Variants in KLHL3 observed in about 807,000 individuals in gnomAD.
The protein encoded by KLHL3 is kelch like family member 3.
A neutral mutation model predicts 70.5 loss-of-function variants in KLHL3; 19 were observed. The observed-to-expected ratio is 0.27, with a 90% confidence interval of 0.19 to 0.40. The LOEUF (loss-of-function observed/expected upper bound fraction) is 0.40. KLHL3 is among the 10% of genes least tolerant of loss of function. The pLI, the probability that KLHL3 is intolerant of heterozygous loss-of-function variation, is 1.00. For synonymous variants in KLHL3, 258 were observed against 290.3 expected (o/e 0.89, Z 1.13); for missense variants, 512 against 771.1 (o/e 0.66, Z 3.98).
At chr5:137,692,629 C>T in intron 4 of KLHL3, 182 bp from the exon 5 acceptor site, 1 of 591,292 alleles carries the variant, frequency 1.7e-6, no homozygotes, top group Non-Finnish European at 3.0e-6. Context: ...TTCACGGACC[C>T]TAAACACCAG....
chr5:137,624,815 C>T (rs1750415038), intron 14 of KLHL3, among the ~76,000 whole-genome samples: 1 of 152,122 alleles, frequency 6.6e-6, no homozygotes, highest in Non-Finnish European at 1.5e-5. Flanking sequence ...TATATATTTG[C>T]TCATCTCCCC....
chr5:137,654,171 G>A (rs1751282190), intron 8 of KLHL3, among the ~76,000 whole-genome samples: 1 of 152,142 alleles, frequency 6.6e-6, no homozygotes, highest in South Asian at 2.1e-4. Context: ...TGATTGGGAT[G>A]GTGGTTACAT....
chr5:137,641,989 T>G (rs185567329), intron 8 of KLHL3, among the ~76,000 whole-genome samples: 2 of 152,178 alleles, frequency 1.3e-5, no homozygotes, highest in Non-Finnish European at 2.9e-5. Flanking sequence ...TTACTTCCCA[T>G]TTGTAATTCT....
chr5:137,647,629 T>C, intron 8 of KLHL3: 1 of 470,622 alleles, frequency 2.1e-6, no homozygotes, highest in Non-Finnish European at 4.4e-6. Context: ...CTTACCCTGG[T>C]GCGTGGGGCC....
At chr5:137,704,094 A>G (rs1319528519) in intron 3 of KLHL3, among the ~76,000 whole-genome samples, 3 of 152,224 alleles carry the variant, frequency 2.0e-5, no homozygotes, top group Admixed American at 1.3e-4. Context: ...TGAATTCTCC[A>G]CGCACCTATG....
At chr5:137,623,772 C>T (rs559490915) in intron 14 of KLHL3, among the ~76,000 whole-genome samples, 1 of 152,136 alleles carries the variant, frequency 6.6e-6, no homozygotes, top group Non-Finnish European at 1.5e-5. Context: ...TCTCACAGCA[C>T]CCTAAAAGGC....
intron 7 of KLHL3, among the ~76,000 whole-genome samples, chr5:137,660,453 T>TGCTCA (rs939775140): frequency 1.9e-4 from 29 of 152,204 alleles, no homozygotes; most frequent in African/African-American, 7.0e-4. Context: ...TGACACTGGA[T>TGCTCA]GCTCAGGCAA....
chr5:137,693,385 G>GCT (rs1265209147), intron 4 of KLHL3, among the ~76,000 whole-genome samples: 1 of 152,180 alleles, frequency 6.6e-6, no homozygotes, highest in African/African-American at 2.4e-5. Context: ...AGGTGTATAT[G>GCT]CATGTGTTTT....
At chr5:137,651,315 ATCT>A (rs1394594516) in intron 8 of KLHL3, among the ~76,000 whole-genome samples, 1 of 152,218 alleles carries the variant, frequency 6.6e-6, no homozygotes, top group Non-Finnish European at 1.5e-5. Flanking sequence ...CTACTCAGTA[ATCT>A]TCTGAAACTA....
chr5:137,652,597 G>A (rs796219757), intron 8 of KLHL3, among the ~76,000 whole-genome samples: 42 of 152,278 alleles, frequency 2.8e-4, no homozygotes, highest in African/African-American at 7.9e-4. Flanking sequence ...TCACTCATAC[G>A]CGGAATCTAA....
intron 6 of KLHL3, among the ~76,000 whole-genome samples, chr5:137,675,765 G>A (rs1751869952): frequency 6.6e-6 from 1 of 152,162 alleles, no homozygotes; most frequent in Non-Finnish European, 1.5e-5. Context: ...AGAGCAAGAT[G>A]GGCCAGCATG....
chr5:137,666,762 T>A (rs1239226520), intron 6 of KLHL3, among the ~76,000 whole-genome samples: 1 of 152,094 alleles, frequency 6.6e-6, no homozygotes, highest in Non-Finnish European at 1.5e-5. Context: ...TCAGACTTCA[T>A]GCTTGAAAAA....
In KLHL3 at chr5:137,634,104, C is replaced by T. The variant is rs2301708; in HGVS notation, c.1383G>A (p.Glu461=). Residue 461 remains glutamate (E), a synonymous_variant, in exon 12 of 15, where the codon GAG becomes GAA. Coordinates refer to ENST00000309755, the MANE Select transcript of KLHL3 (RefSeq NM_017415.3). ...ATTCATTGGTCGCTGGGTTGTACTG[C>T]TCCACAGTGCTCAGACACTGGCGGG... ...GASRQCLSTV[E]QYNPATNEWI... is the part of the protein sequence containing the mutation. The T allele has an allele frequency of 0.19, 313,908 of 1,613,898 alleles. 32,448 individuals are homozygous for T. Among genetic ancestry groups the T allele is most frequent in the East Asian group, 0.39 (17,652 of 44,864 alleles).
intron 6 of KLHL3, 115 bp from the exon 7 acceptor site, chr5:137,662,146 A>C: frequency 1.6e-6 from 1 of 636,502 alleles, no homozygotes; most frequent in Non-Finnish European, 2.8e-6. Flanking sequence ...AGTCATCCAC[A>C]AAGGTGTTTA....
chr5:137,703,463 A>C (rs1035999129), intron 3 of KLHL3, among the ~76,000 whole-genome samples: 4 of 152,200 alleles, frequency 2.6e-5, no homozygotes, highest in Non-Finnish European at 5.9e-5. Context: ...CATCTCCTTG[A>C]ATCCTGACCA....
Position 137,712,657 on chromosome 5 carries a change from C to A in KLHL3, c.135-2801G>T, listed in dbSNP as rs188585898. ...TATGGGATCCTTTTTTCCGAGCTAT[C>A]ACACTACTCCATCTTGAGGGGAGAA... On this transcript the variant is annotated intron_variant, in intron 2 of 14. Coordinates refer to ENST00000309755, the MANE Select transcript of KLHL3 (RefSeq NM_017415.3). 7.2e-5 allele frequency among the ~76,000 whole-genome samples: 11 copies of A among 152,296 alleles called. No individual in the cohort carries two copies. In the East Asian group the frequency reaches 9.7e-4, roughly 13 times the overall value.
chr5:137,728,685 A>G (rs1217766576), intron 1 of KLHL3, among the ~76,000 whole-genome samples: 2 of 152,202 alleles, frequency 1.3e-5, no homozygotes, highest in African/African-American at 4.8e-5. Flanking sequence ...ACTAAAAAAC[A>G]TGCTAGAAAG....
intron 6 of KLHL3, among the ~76,000 whole-genome samples, chr5:137,669,443 G>T (rs1751695625): frequency 6.6e-6 from 1 of 152,166 alleles, no homozygotes; most frequent in Non-Finnish European, 1.5e-5. Flanking sequence ...TCCTACAGCA[G>T]CACACTGCCA....
chr5:137,653,611 T>C (rs148771439), intron 8 of KLHL3, among the ~76,000 whole-genome samples: 1 of 152,318 alleles, frequency 6.6e-6, no homozygotes, highest in African/African-American at 2.4e-5. Flanking sequence ...TGTCAAGTAG[T>C]AGCAGGACTG....
Sources: gnomAD v4.1 joint callset for allele counts (sites outside exome capture counted in the v4.1 genomes callset) on GRCh38, gnomAD v4.1.1 for gene constraint, MANE v1.5 for transcripts, NCBI Gene and HGNC (gene_info 2026-07-23, HGNC 2026-07-21) for gene names.